PLEKHG4B: variants seen among roughly 807,000 people sequenced by gnomAD.
The protein encoded by PLEKHG4B is pleckstrin homology domain-containing family G member 4B.
Under a neutral mutation model 121.3 loss-of-function variants are expected in PLEKHG4B, and 111 were observed. The observed-to-expected ratio is 0.92, with a 90% CI of 0.78 to 1.07. PLEKHG4B has a LOEUF of 1.07. Among genes scored for constraint, PLEKHG4B ranks in the 50% least tolerant of loss-of-function variants. The pLI is 0.00. For synonymous variants in PLEKHG4B, 738 were observed against 725.0 expected, an observed-to-expected ratio of 1.02 and a Z score of -0.29; for missense variants, 1,831 against 1,757.8, an observed-to-expected ratio of 1.04 and a Z score of -0.74.
At position 156,941 on chromosome 5, in the gene PLEKHG4B, T is replaced by G. The variant is rs2126426948; in HGVS notation, c.2487+30T>G. The G allele has an allele frequency of 6.2e-7, 1 of 1,607,864 alleles. No homozygotes were observed. Among genetic ancestry groups the G allele is most frequent in the East Asian group, 2.2e-5 (1 of 44,596 alleles). ...GAGCTGCAGGAGGAAGGCGGCCCGG[T>G]CAGCATCCCCTCCAGGCCAGGCTGG... On this transcript the variant is annotated intron_variant, in intron 11 of 19. Transcript: ENST00000637938. This position sits in a 1 kb window ranked among gnomAD's most constrained non-coding sequence, Gnocchi z 4.4.
chr5:119,651 G>A (rs770416044), intron 2 of PLEKHG4B, among the ~76,000 whole-genome samples: 42 of 152,208 alleles, frequency 2.8e-4, no homozygotes, highest in Non-Finnish European at 5.4e-4. Flanking sequence ...GGACCAAACT[G>A]TGGAGAGACA....
intron 2 of PLEKHG4B, among the ~76,000 whole-genome samples, chr5:121,966 G>C (rs1331328819): frequency 6.6e-6 from 1 of 151,998 alleles, no homozygotes; most frequent in Non-Finnish European, 1.5e-5. Flanking sequence ...ACTTAGATCA[G>C]TGTATCATGG....
At chr5:117,784 T>C (rs1322234272) in intron 2 of PLEKHG4B, among the ~76,000 whole-genome samples, 1 of 152,098 alleles carries the variant, frequency 6.6e-6, no homozygotes, top group African/African-American at 2.4e-5. Context: ...ACCCAGGAGA[T>C]AGAAGTTGCA....
rs2126438572 is a variant in PLEKHG4B, at chr5:163,178, C to A, written c.3106C>A (p.Pro1036Thr). Residue 1036 changes from proline (P) to threonine (T), a missense_variant, in exon 13 of 20, where the codon CCA becomes ACA. Physicochemically the swap from Pro to Thr is conservative, Grantham distance 38. Coordinates refer to ENST00000637938, the MANE Select transcript of PLEKHG4B (RefSeq NM_052909.5). ...LRPGLCALWD[P>T]LSLLRGLPGA... ...CCCAGGGCTGTGTGCTCTGTGGGAC[C>A]CACTGTCCCTCCTCAGGGGCCTTCC... 1.3e-6 allele frequency: 2 copies of A among 1,574,744 alleles called. No homozygotes were observed. The highest frequency in any genetic ancestry group is 1.2e-5 in the South Asian group (1 of 83,616).
chr5:129,259 G>C (rs930316884), intron 2 of PLEKHG4B, among the ~76,000 whole-genome samples: 1 of 152,188 alleles, frequency 6.6e-6, no homozygotes, highest in Non-Finnish European at 1.5e-5. Context: ...TCTCACTGAA[G>C]CCTGCTACTT....
intron 17 of PLEKHG4B, 41 bp downstream of exon 17, chr5:173,108 G>C: frequency 6.3e-7 from 1 of 1,597,232 alleles, no homozygotes; most frequent in Non-Finnish European, 8.6e-7. Flanking sequence ...GCCGAGCCAG[G>C]CCCTCCAAGG....
At chr5:150,479 A>T (rs1735571703) in intron 6 of PLEKHG4B, among the ~76,000 whole-genome samples, 1 of 152,228 alleles carries the variant, frequency 6.6e-6, no homozygotes, top group African/African-American at 2.4e-5. Flanking sequence ...GCTGAACAGT[A>T]CACTGAAAAA....
At position 139,406 on chromosome 5, in the gene PLEKHG4B, G is replaced by C; in HGVS notation, c.244-77G>C. 1 of 398,724 alleles carries C rather than the reference G, an allele frequency of 2.5e-6. No homozygotes were observed. Among genetic ancestry groups the C allele is most frequent in the Admixed American group, 4.4e-5 (1 of 22,732 alleles). 24.7% of individuals were successfully genotyped at this position (398,724 alleles called of 1,614,324 possible). A position where few individuals can be genotyped will look rare whatever the true frequency, so the allele number is the denominator to read the frequency against. ...AGCTCAGTCACTGACCTTCCCCTGA[G>C]GGGTGGAGACCCAGGGCATGGAAGG... is the stretch of plus-strand genomic sequence containing the variant. On this transcript the variant is annotated intron_variant, in intron 2 of 19. Coordinates refer to ENST00000637938, the MANE Select transcript of PLEKHG4B (RefSeq NM_052909.5). This position sits in a 1 kb window ranked among gnomAD's most constrained non-coding sequence, Gnocchi z 5.0.
intron 2 of PLEKHG4B, among the ~76,000 whole-genome samples, chr5:128,070 A>G (rs1560912016): frequency 6.6e-6 from 1 of 152,214 alleles, no homozygotes; most frequent in Non-Finnish European, 1.5e-5. Flanking sequence ...TTTGAATCTT[A>G]TGGTGGCTGC....
intron 1 of PLEKHG4B, among the ~76,000 whole-genome samples, chr5:98,223 C>T (rs985915413): frequency 2.0e-5 from 3 of 151,828 alleles, no homozygotes; most frequent in African/African-American, 4.9e-5. Context: ...TTTTAGTTAA[C>T]TTTTGTATGT....
intron 2 of PLEKHG4B, among the ~76,000 whole-genome samples, chr5:125,627 CA>C (rs1337033261): frequency 6.6e-6 from 1 of 152,056 alleles, no homozygotes; most frequent in Non-Finnish European, 1.5e-5. Context: ...ATGTAGAAAA[CA>C]AAAAGGCAGT....
chr5:181,273 G>T (rs1045099502), intron 18 of PLEKHG4B, among the ~76,000 whole-genome samples: 4 of 152,220 alleles, frequency 2.6e-5, no homozygotes, highest in African/African-American at 9.6e-5. Context: ...CGTTTCCAAG[G>T]CCTCATGGCT....
rs146095899 is a variant in PLEKHG4B at position 155,413 on chromosome 5, G to A, written c.2178G>A (p.Leu726=). 46 of 1,614,160 alleles carry A rather than the reference G, an allele frequency of 2.8e-5. 2 individuals are homozygous for A. The African/African-American group carries it at 3.5e-4, about 12-fold the overall frequency. The change falls in exon 9 of 20, where the codon CTG becomes CTA. Residue 726 remains leucine, a synonymous_variant. Transcript: ENST00000637938. ...TCCTACAGAATTCATTCTGCTCCCT[G>A]AACACCCACAGAACCCCAAGAACAG... The part of the protein sequence containing the change: ...IIFLQNSFCS[L]NTHRTPRTAQ...
intron 2 of PLEKHG4B, among the ~76,000 whole-genome samples, chr5:138,100 A>G (rs1735037160): frequency 6.6e-6 from 1 of 152,218 alleles, no homozygotes; most frequent in African/African-American, 2.4e-5. Context: ...CAGACGATTA[A>G]ATGACCACTT....
At chr5:155,142 C>A in intron 8 of PLEKHG4B, 151 bp downstream of exon 8, 2 of 857,816 alleles carry the variant, frequency 2.3e-6, no homozygotes, top group Non-Finnish European at 3.7e-6. Context: ...TACACAACCA[C>A]GCCGTGGTGC....
At position 164,654 on chromosome 5, in the gene PLEKHG4B, G is replaced by GGA. The variant is rs1560945101; in HGVS notation, c.3476+1107_3476+1108insAG. ...CGGAGCTCACACTAATGCTCTGACG[G>GGA]GCGGAGCTCACACTAATACTCTGAC... On this transcript the variant is annotated intron_variant, in intron 13 of 19. Transcript: ENST00000637938. Among the ~76,000 whole-genome samples, 2 of 129,376 alleles carry GGA rather than the reference G, an allele frequency of 1.5e-5. 1 individual carries two copies. The highest frequency in any genetic ancestry group is 3.5e-5 in the Non-Finnish European group (2 of 57,654). 84.9% of individuals were successfully genotyped at this position (129,376 alleles called of 152,430 possible). A position where few individuals can be genotyped will look rare whatever the true frequency, so the allele number is the denominator to read the frequency against.
intron 13 of PLEKHG4B, among the ~76,000 whole-genome samples, chr5:164,058 G>A (rs756035132): frequency 1.5e-4 from 23 of 152,258 alleles, no homozygotes; most frequent in Non-Finnish European, 2.1e-4. Flanking sequence ...GCCGGATGCC[G>A]TCTGAACCTC....
At chr5:133,355 C>T (rs896134607) in intron 2 of PLEKHG4B, among the ~76,000 whole-genome samples, 1 of 152,102 alleles carries the variant, frequency 6.6e-6, no homozygotes, top group African/African-American at 2.4e-5. Flanking sequence ...GTTCGACTTC[C>T]TCTGTACTGA....
intron 1 of PLEKHG4B, among the ~76,000 whole-genome samples, chr5:92,806 G>C (rs960849823): frequency 1.3e-5 from 2 of 152,154 alleles, no homozygotes; most frequent in Admixed American, 6.5e-5. Context: ...CGGTGGGACA[G>C]AACAGTGATC....
Sources: allele counts gnomAD v4.1 joint callset (sites outside exome capture counted in the v4.1 genomes callset), GRCh38; gene constraint gnomAD v4.1.1; non-coding constraint Gnocchi (gnomAD v3.1); transcripts MANE v1.5; gene names NCBI Gene and HGNC (gene_info 2026-07-23, HGNC 2026-07-21).